Variants in MACROD2 observed in about 807,000 individuals in gnomAD.
The protein encoded by MACROD2 is mono-ADP ribosylhydrolase 2.
MACROD2 carries 36 observed loss-of-function variants against 70.4 expected under a neutral mutation model. The observed-to-expected ratio is 0.51, with a 90% confidence interval of 0.39 to 0.68. MACROD2 has a LOEUF of 0.68. Ranked by LOEUF, MACROD2 falls within the 30% of genes least tolerant of loss-of-function variation. MACROD2 has a pLI of 0.00. For synonymous variants in MACROD2, 172 were observed against 178.8 expected, an observed-to-expected ratio of 0.96 and a Z score of 0.30; for missense variants, 496 against 538.4, an observed-to-expected ratio of 0.92 and a Z score of 0.78.
intron 5 of MACROD2, among the ~76,000 whole-genome samples, chr20:14,692,416 G>A (rs539165460): frequency 6.6e-6 from 1 of 152,084 alleles, no homozygotes; most frequent in Non-Finnish European, 1.5e-5. Flanking sequence ...ATCTGTGTTT[G>A]TTTATTTGTT....
intron 8 of MACROD2, among the ~76,000 whole-genome samples, chr20:15,623,228 T>C (rs1360937190): frequency 1.3e-5 from 2 of 152,214 alleles, no homozygotes; most frequent in East Asian, 3.8e-4. Flanking sequence ...TAGAGTTCAA[T>C]CTAATGTAAA....
chr20:14,151,811 C>CT (rs144065987), intron 3 of MACROD2, among the ~76,000 whole-genome samples: 2,060 of 59,232 alleles, frequency 0.035, 454 homozygotes, highest in African/African-American at 0.048. Flanking sequence ...TGTATTGTAT[C>CT]TTTTTTTTTT....
chr20:14,102,590 G>C (rs1318667943), intron 3 of MACROD2, among the ~76,000 whole-genome samples: 1 of 152,052 alleles, frequency 6.6e-6, no homozygotes, highest in Non-Finnish European at 1.5e-5. Context: ...TCAGCCAAAG[G>C]GGAAAAAATG....
intron 3 of MACROD2, among the ~76,000 whole-genome samples, chr20:14,359,583 A>G (rs767022438): frequency 1.2e-4 from 18 of 152,252 alleles, no homozygotes; most frequent in Non-Finnish European, 1.2e-4. Flanking sequence ...GGATAAATGG[A>G]TAGCAAAGGC....
chr20:14,343,123 C>T (rs1204092949), intron 3 of MACROD2, among the ~76,000 whole-genome samples: 1 of 151,916 alleles, frequency 6.6e-6, no homozygotes, highest in African/African-American at 2.4e-5. Flanking sequence ...TTCAGCACCT[C>T]CATATATGGC....
intron 8 of MACROD2, among the ~76,000 whole-genome samples, chr20:15,508,536 G>A (rs1004668503): frequency 6.6e-6 from 1 of 152,104 alleles, no homozygotes; most frequent in African/African-American, 2.4e-5. Context: ...CTCTCTTCAA[G>A]GTAGTTATTT....
At chr20:15,391,746 T>A (rs575161758) in intron 6 of MACROD2, among the ~76,000 whole-genome samples, 35 of 152,340 alleles carry the variant, frequency 2.3e-4, no homozygotes, top group Admixed American at 1.0e-3. Context: ...ATTGTCTGGG[T>A]CTCGTTCATT....
chr20:15,663,318 C>T (rs1271690307), intron 8 of MACROD2, among the ~76,000 whole-genome samples: 1 of 151,056 alleles, frequency 6.6e-6, no homozygotes, highest in Non-Finnish European at 1.5e-5. Flanking sequence ...TCACTGTGAC[C>T]TCCGACTCTG....
At chr20:15,748,158 T>C (rs2146975261) in intron 8 of MACROD2, among the ~76,000 whole-genome samples, 1 of 152,286 alleles carries the variant, frequency 6.6e-6, no homozygotes, top group South Asian at 2.1e-4. Flanking sequence ...TTCTTGGCCA[T>C]TGCCCTTAAA....
At chr20:15,964,221 A>T (rs1259326410) in intron 12 of MACROD2, among the ~76,000 whole-genome samples, 1 of 152,208 alleles carries the variant, frequency 6.6e-6, no homozygotes, top group African/African-American at 2.4e-5. Context: ...GACCATATAC[A>T]CTGGTGTCTT....
chr20:15,411,968 A>T (rs577470479), intron 6 of MACROD2, among the ~76,000 whole-genome samples: 1 of 151,920 alleles, frequency 6.6e-6, no homozygotes, highest in East Asian at 1.9e-4. Flanking sequence ...GGTGTCTTGC[A>T]CCTCTTGACA....
intron 5 of MACROD2, among the ~76,000 whole-genome samples, chr20:14,989,280 G>A (rs923322880): frequency 6.6e-6 from 1 of 152,080 alleles, no homozygotes; most frequent in Non-Finnish European, 1.5e-5. Context: ...ACTTCCTTTG[G>A]TGTTGATTTG....
chr20:14,168,251 A>G (rs564126900), intron 3 of MACROD2, among the ~76,000 whole-genome samples: 1 of 152,354 alleles, frequency 6.6e-6, no homozygotes, highest in Non-Finnish European at 1.5e-5. Flanking sequence ...TGAATTAATG[A>G]ATGAATTAGA....
At chr20:14,072,723 A>G (rs2053863254) in intron 2 of MACROD2, among the ~76,000 whole-genome samples, 1 of 152,174 alleles carries the variant, frequency 6.6e-6, no homozygotes, top group Admixed American at 6.5e-5. Context: ...TCACGAGGTC[A>G]GGAGATCGAG....
At chr20:15,030,356 C>T (rs144037610) in intron 5 of MACROD2, among the ~76,000 whole-genome samples, 2 of 152,228 alleles carry the variant, frequency 1.3e-5, no homozygotes, top group East Asian at 3.9e-4. Flanking sequence ...CCCAGGTATT[C>T]GGAAGATCAC....
intron 8 of MACROD2, among the ~76,000 whole-genome samples, chr20:15,501,482 C>T (rs2047364086): frequency 1.3e-5 from 2 of 152,202 alleles, no homozygotes; most frequent in Non-Finnish European, 1.5e-5. Context: ...TTGATTCTCT[C>T]TAGCTAAATT....
chr20:14,210,935 G>GTTTTCT (rs1298631689), intron 3 of MACROD2, among the ~76,000 whole-genome samples: 1 of 152,166 alleles, frequency 6.6e-6, no homozygotes, highest in Non-Finnish European at 1.5e-5. Context: ...CGTCATGTAA[G>GTTTTCT]GGGAGGGAGA....
chr20:15,667,111 G>A (rs6043419), intron 8 of MACROD2, among the ~76,000 whole-genome samples: 1 of 152,160 alleles, frequency 6.6e-6, no homozygotes, highest in Admixed American at 6.5e-5. Context: ...AATCCCCAAA[G>A]CTGGAGGTGG....
intron 6 of MACROD2, among the ~76,000 whole-genome samples, chr20:15,276,436 C>T (rs2077393904): frequency 6.6e-6 from 1 of 151,604 alleles, no homozygotes; most frequent in Non-Finnish European, 1.5e-5. Flanking sequence ...CATTGATCAC[C>T]TTTGCTAAGA....
Sources: allele counts gnomAD v4.1 joint callset (sites outside exome capture counted in the v4.1 genomes callset), GRCh38; gene constraint gnomAD v4.1.1; transcripts MANE v1.5; gene names NCBI Gene and HGNC (gene_info 2026-07-23, HGNC 2026-07-21).